Variants in ZNF626 observed in about 807,000 individuals in gnomAD.
ZNF626 encodes CTC-513N18.7.
In ZNF626, 4 loss-of-function variants were observed where a neutral mutation model predicts 11.7. That is an observed-to-expected ratio of 0.34 (90% CI 0.17 to 0.78). ZNF626 has a LOEUF of 0.78. Among genes scored for constraint, ZNF626 ranks in the 30% least tolerant of loss-of-function variants. The pLI, the probability that ZNF626 is intolerant of heterozygous loss-of-function variation, is 0.57. For synonymous variants in ZNF626, 179 were observed against 198.6 expected (o/e 0.90, Z 0.83); for missense variants, 588 against 587.1 (o/e 1.00, Z -0.01).
chr19:20,626,587 A>G (rs1555769768), intron 3 of ZNF626, among the ~76,000 whole-genome samples: 1 of 151,934 alleles, frequency 6.6e-6, no homozygotes, highest in Admixed American at 6.6e-5. Flanking sequence ...GCATGGTGGC[A>G]TGTGCCTGTA....
chr19:20,652,919 G>A (rs1465133440), intron 1 of ZNF626, among the ~76,000 whole-genome samples: 1 of 152,166 alleles, frequency 6.6e-6, no homozygotes, highest in Non-Finnish European at 1.5e-5. Flanking sequence ...ACTTGGGTTT[G>A]TTGGCCCCAT....
intron 3 of ZNF626, among the ~76,000 whole-genome samples, chr19:20,628,427 C>T (rs1568455424): frequency 6.6e-6 from 1 of 152,144 alleles, no homozygotes. Context: ...TTCTCCACAT[C>T]CTCTCCAGCA....
At position 20,629,516 on chromosome 19, in the gene ZNF626, T is replaced by A. The variant is rs184833017; in HGVS notation, c.227-3866A>T. Among the ~76,000 whole-genome samples the A allele has an allele frequency of 7.2e-3, 1,095 of 152,332 alleles. 18 individuals are homozygous for A. The highest frequency in any genetic ancestry group is 0.025 in the African/African-American group (1,055 of 41,560). ...CCTTCACATCCCTTGTAAGGTGGATTCCTAGGTATTTTATTCTCTTTGATG... is the reference window on the plus strand; with the variant it reads ...CCTTCACATCCCTTGTAAGGTGGATACCTAGGTATTTTATTCTCTTTGATG... On this transcript the variant is annotated intron_variant, in intron 3 of 3. Transcript: ENST00000601440.
chr19:20,634,492 T>C (rs1969945281), intron 3 of ZNF626, among the ~76,000 whole-genome samples: 1 of 143,648 alleles, frequency 7.0e-6, no homozygotes, highest in Non-Finnish European at 1.5e-5. Flanking sequence ...TATAAAACAA[T>C]AATATAAATA....
chr19:20,659,909 C>T (rs1970245753), intron 1 of ZNF626, among the ~76,000 whole-genome samples: 1 of 151,990 alleles, frequency 6.6e-6, no homozygotes, highest in South Asian at 2.1e-4. Context: ...CCTTCCGTGG[C>T]TGGGGTGAGC....
intron 3 of ZNF626, among the ~76,000 whole-genome samples, chr19:20,641,135 C>CAAAAAAAAAAAA (rs141617081): frequency 8.9e-6 from 1 of 111,878 alleles, no homozygotes; most frequent in South Asian, 2.9e-4. Flanking sequence ...GACTCCATCT[C>CAAAAAAAAAAAA]AAAAAAAAAA....
chr19:20,651,023 C>A (rs1408723888), intron 1 of ZNF626, among the ~76,000 whole-genome samples: 1 of 151,856 alleles, frequency 6.6e-6, no homozygotes, highest in African/African-American at 2.4e-5. Flanking sequence ...CCCGTCTCTA[C>A]TAAAATTACA....
In ZNF626 at chr19:20,622,598, CA is replaced by C; in HGVS notation, c.*1691del. 1 of 151,764 alleles carries C rather than the reference CA, an allele frequency of 6.6e-6. No individual in the cohort carries two copies. The highest frequency in any genetic ancestry group is 6.6e-5 in the Admixed American group (1 of 15,232). 9.4% of individuals were successfully genotyped at this position (151,764 alleles called of 1,614,324 possible). ...AAGCTGTATTACATCATTCACTTTT[CA>C]AAAAAATTGTTTTCAAGGAAACAAA... is the stretch of plus-strand genomic sequence containing the variant. On this transcript the variant is annotated 3_prime_UTR_variant, in exon 4 of 4. Coordinates refer to ENST00000601440, the MANE Select transcript of ZNF626 (RefSeq NM_001076675.3).
At chr19:20,659,826 C>T (rs1308157626) in intron 1 of ZNF626, among the ~76,000 whole-genome samples, 1 of 152,022 alleles carries the variant, frequency 6.6e-6, no homozygotes. Flanking sequence ...TTCCTTTCAT[C>T]TTAATCTTGA....
intron 3 of ZNF626, among the ~76,000 whole-genome samples, chr19:20,626,559 A>T (rs1555769757): frequency 6.6e-6 from 1 of 152,100 alleles, no homozygotes; most frequent in Admixed American, 6.5e-5. Context: ...ATCTACTAAA[A>T]ATACAAAAAC....
At chr19:20,628,537 T>C (rs10413851) in intron 3 of ZNF626, among the ~76,000 whole-genome samples, 68,369 of 152,098 alleles carry the variant, frequency 0.45, 16,639 homozygotes, top group African/African-American at 0.64. Context: ...CCAGTAATTA[T>C]CAGCATTTTT....
chr19:20,634,211 A>G (rs781928626), intron 3 of ZNF626, among the ~76,000 whole-genome samples: 3 of 152,246 alleles, frequency 2.0e-5, no homozygotes, highest in African/African-American at 2.4e-5. Context: ...CAATACAATT[A>G]TAGTAGGATA....
At chr19:20,657,871 T>C (rs1449593216) in intron 1 of ZNF626, among the ~76,000 whole-genome samples, 1 of 152,004 alleles carries the variant, frequency 6.6e-6, no homozygotes, top group Non-Finnish European at 1.5e-5. Context: ...ACCAAATGCA[T>C]GTTATTATTT....
chr19:20,640,344 G>GT (rs1428303599), intron 3 of ZNF626, among the ~76,000 whole-genome samples: 7 of 113,916 alleles, frequency 6.1e-5, no homozygotes, highest in Admixed American at 2.6e-4. Context: ...CATGACACTG[G>GT]TTTGGCACAA....
chr19:20,661,533 A>G lies in ZNF626; in HGVS notation c.-87T>C, dbSNP rs1970268911. On this transcript the variant is annotated 5_prime_UTR_variant, in exon 1 of 4. Coordinates refer to ENST00000601440, the MANE Select transcript of ZNF626 (RefSeq NM_001076675.3). The stretch of plus-strand genomic sequence containing the variant: ...GGGCCACACAGCCTGGGCCTTTAGG[A>G]GAAGAACCAGACCTGGAGCTCTGAC... 2 of 1,101,720 alleles carry G rather than the reference A, an allele frequency of 1.8e-6. No homozygotes were observed. Among genetic ancestry groups the G allele is most frequent in the East Asian group, 2.6e-5 (1 of 38,910 alleles). The allele number at this position is 1,101,720 out of a possible 1,614,324, so 68.2% of individuals were successfully genotyped here.
rs1320955301 is a variant in ZNF626 at position 20,623,748 on chromosome 19, G to T, written c.*542C>A. On this transcript the variant is annotated 3_prime_UTR_variant, in exon 4 of 4. Transcript: ENST00000601440. ...CAGAAGGCGGAGGTTGCAGTGAGCC[G>T]AGACTGTGCTATTGCACACCAGACT... The T allele has an allele frequency of 1.4e-5, 3 of 220,960 alleles. No individual in the cohort carries two copies. Among genetic ancestry groups the T allele is most frequent in the Non-Finnish European group, 2.7e-5 (3 of 112,572 alleles). The allele number at this position is 220,960 out of a possible 1,614,324, so 13.7% of individuals were successfully genotyped here.
chr19:20,658,647 TG>T lies in ZNF626; in HGVS notation c.3+2796del, dbSNP rs148598350. On this transcript the variant is annotated intron_variant, in intron 1 of 3. Transcript: ENST00000601440. The stretch of plus-strand genomic sequence containing the variant: ...AATACCCAGAGCTTTGTTCCAGGTC[TG>T]GCCCCAGTGATATCTTTTTTCTGGC... Among the ~76,000 whole-genome samples the T allele has an allele frequency of 1.2e-3, 184 of 152,332 alleles. 8 individuals are homozygous for T. The East Asian group carries it at 0.033, about 27-fold the overall frequency.
rs531736512 is a variant in ZNF626, at chr19:20,639,659, C to G, written c.226+6025G>C. 4.6e-5 allele frequency among the ~76,000 whole-genome samples: 7 copies of G among 152,268 alleles called. No homozygotes were observed. In the South Asian group the frequency reaches 1.5e-3, roughly 32 times the overall value. ...AACTGAGGTAAAAGGATCACTTGAG[C>G]CCAGGAGGCTGAGGCTACAGAGAGC... On this transcript the variant is annotated intron_variant, in intron 3 of 3. Coordinates refer to ENST00000601440, the MANE Select transcript of ZNF626 (RefSeq NM_001076675.3).
intron 3 of ZNF626, among the ~76,000 whole-genome samples, chr19:20,630,694 T>C (rs1430166815): frequency 1.3e-5 from 2 of 150,598 alleles, no homozygotes; most frequent in Non-Finnish European, 3.0e-5. Context: ...GTCTTGCTAG[T>C]GGTCTATCAA....
Sources: gnomAD v4.1 joint callset for allele counts (sites outside exome capture counted in the v4.1 genomes callset) on GRCh38, gnomAD v4.1.1 for gene constraint, MANE v1.5 for transcripts, NCBI Gene and HGNC (gene_info 2026-07-23, HGNC 2026-07-21) for gene names.